The following NKAIN3 variants were observed in gnomAD, a reference collection of about 807,000 sequenced individuals.
NKAIN3 encodes the protein sodium/potassium transporting ATPase interacting 3.
Under a neutral mutation model 30.2 loss-of-function variants are expected in NKAIN3, and 25 were observed. That is an observed-to-expected ratio of 0.83 (90% CI 0.60 to 1.16). NKAIN3 has a LOEUF of 1.16. Ranked by LOEUF, NKAIN3 falls within the 50% of genes most tolerant of loss-of-function variation. The pLI, the probability that NKAIN3 is intolerant of heterozygous loss-of-function variation, is 0.00. For missense variants in NKAIN3, 225 were observed against 254.1 expected, an observed-to-expected ratio of 0.89 and a Z score of 0.78; for synonymous variants, 91 against 89.6, an observed-to-expected ratio of 1.02 and a Z score of -0.09.
At chr8:62,754,509 G>A (rs1050881153) in intron 4 of NKAIN3, among the ~76,000 whole-genome samples, 1 of 152,092 alleles carries the variant, frequency 6.6e-6, no homozygotes, top group Non-Finnish European at 1.5e-5. Context: ...CACATATATT[G>A]TCTTGAATCC....
intron 3 of NKAIN3, among the ~76,000 whole-genome samples, chr8:62,684,324 A>G (rs1813732299): frequency 6.6e-6 from 1 of 152,194 alleles, no homozygotes; most frequent in Non-Finnish European, 1.5e-5. Flanking sequence ...AGGCACATCT[A>G]ACTCTAATGA....
intron 4 of NKAIN3, among the ~76,000 whole-genome samples, chr8:62,866,278 A>G (rs1023138157): frequency 2.6e-5 from 4 of 152,228 alleles, no homozygotes; most frequent in African/African-American, 9.6e-5. Context: ...ATGCTTGTCT[A>G]GAACACAAGG....
intron 4 of NKAIN3, among the ~76,000 whole-genome samples, chr8:62,810,304 A>G (rs1012443442): frequency 3.3e-5 from 5 of 152,174 alleles, no homozygotes; most frequent in Non-Finnish European, 2.9e-5. Context: ...TGATTTGAGG[A>G]TATCACAAAG....
intron 1 of NKAIN3, among the ~76,000 whole-genome samples, chr8:62,363,049 G>T (rs1032215263): frequency 5.9e-5 from 9 of 152,110 alleles, no homozygotes; most frequent in Non-Finnish European, 1.2e-4. Flanking sequence ...CATCCACAAG[G>T]ACTCAAATAT....
At chr8:62,377,492 T>C (rs1343752292) in intron 1 of NKAIN3, among the ~76,000 whole-genome samples, 1 of 152,210 alleles carries the variant, frequency 6.6e-6, no homozygotes, top group Non-Finnish European at 1.5e-5. Flanking sequence ...CACACTGTTA[T>C]TGCCTTTGTG....
intron 1 of NKAIN3, among the ~76,000 whole-genome samples, chr8:62,457,159 G>A (rs574831784): frequency 6.6e-6 from 1 of 152,310 alleles, no homozygotes; most frequent in South Asian, 2.1e-4. Flanking sequence ...GGCTGAATCG[G>A]GGATGTTTCT....
chr8:62,572,189 T>C (rs1038710153), intron 1 of NKAIN3, among the ~76,000 whole-genome samples: 2 of 152,222 alleles, frequency 1.3e-5, no homozygotes, highest in Admixed American at 1.3e-4. Context: ...TAGAAATTTC[T>C]TCCATCAGAT....
chr8:62,715,136 C>G (rs1814853503), intron 3 of NKAIN3, among the ~76,000 whole-genome samples: 1 of 152,064 alleles, frequency 6.6e-6, no homozygotes, highest in Admixed American at 6.5e-5. Flanking sequence ...ACAACCAAAT[C>G]TCAGGAGAAC....
At chr8:62,264,454 A>G (rs1288843637) in intron 1 of NKAIN3, among the ~76,000 whole-genome samples, 2 of 152,190 alleles carry the variant, frequency 1.3e-5, no homozygotes, top group Non-Finnish European at 2.9e-5. Context: ...ATAACAAGGT[A>G]ACGATATTGT....
chr8:62,537,471 C>A (rs988850389), intron 1 of NKAIN3, among the ~76,000 whole-genome samples: 1 of 152,108 alleles, frequency 6.6e-6, no homozygotes, highest in African/African-American at 2.4e-5. Flanking sequence ...TACACTGCTG[C>A]AAGGTGCCCA....
intron 6 of NKAIN3, among the ~76,000 whole-genome samples, chr8:62,960,444 C>T (rs1823538601): frequency 6.6e-6 from 1 of 151,844 alleles, no homozygotes; most frequent in African/African-American, 2.4e-5. Context: ...TGGGTATTTG[C>T]CATTGATTTC....
At chr8:62,627,467 A>C (rs1384780803) in intron 3 of NKAIN3, among the ~76,000 whole-genome samples, 1 of 152,026 alleles carries the variant, frequency 6.6e-6, no homozygotes, top group Non-Finnish European at 1.5e-5. Flanking sequence ...TGCTGTGGTA[A>C]GGGTAAAGAA....
chr8:62,526,062 G>A (rs1474975144), intron 1 of NKAIN3, among the ~76,000 whole-genome samples: 1 of 152,118 alleles, frequency 6.6e-6, no homozygotes, highest in East Asian at 1.9e-4. Context: ...GTACATTTAT[G>A]AGAAGCATTG....
At chr8:62,962,751 T>C (rs1823604863) in intron 6 of NKAIN3, among the ~76,000 whole-genome samples, 1 of 152,174 alleles carries the variant, frequency 6.6e-6, no homozygotes, top group Non-Finnish European at 1.5e-5. Flanking sequence ...TAGTTGAGAT[T>C]TGATTTTAAA....
chr8:62,596,378 CCCTTT>C (rs1160205298), intron 3 of NKAIN3, among the ~76,000 whole-genome samples: 1 of 151,972 alleles, frequency 6.6e-6, no homozygotes, highest in Non-Finnish European at 1.5e-5. Flanking sequence ...CTTTCTATTT[CCCTTT>C]CCTTTCCTTT....
intron 1 of NKAIN3, among the ~76,000 whole-genome samples, chr8:62,576,305 A>G (rs1467776750): frequency 6.6e-6 from 1 of 152,100 alleles, no homozygotes; most frequent in Non-Finnish European, 1.5e-5. Flanking sequence ...TGAGCAAAAG[A>G]TGCATTTTTC....
At chr8:62,453,565 A>G (rs1199708524) in intron 1 of NKAIN3, among the ~76,000 whole-genome samples, 1 of 152,174 alleles carries the variant, frequency 6.6e-6, no homozygotes, top group African/African-American at 2.4e-5. Context: ...CATGAAAACC[A>G]TACAAAAGAT....
intron 1 of NKAIN3, among the ~76,000 whole-genome samples, chr8:62,339,933 G>A (rs1186921128): frequency 6.6e-6 from 1 of 152,000 alleles, no homozygotes; most frequent in African/African-American, 2.4e-5. Context: ...AGAGAAATGG[G>A]TCTCAACTGC....
intron 1 of NKAIN3, among the ~76,000 whole-genome samples, chr8:62,437,218 A>G (rs1415228831): frequency 1.3e-5 from 2 of 152,168 alleles, no homozygotes; most frequent in Non-Finnish European, 2.9e-5. Flanking sequence ...GTGATCTATA[A>G]TATCTCAAAG....
Sources: allele counts gnomAD v4.1 joint callset (sites outside exome capture counted in the v4.1 genomes callset), GRCh38; gene constraint gnomAD v4.1.1; transcripts MANE v1.5; gene names NCBI Gene and HGNC (gene_info 2026-07-23, HGNC 2026-07-21).